The following TRAP1 variants were observed in gnomAD, a reference collection of about 807,000 sequenced individuals.
TRAP1 encodes TNF receptor associated protein 1, also known as heat shock protein 75 kDa, mitochondrial.
Under a neutral mutation model 89.1 loss-of-function variants are expected in TRAP1, and 102 were observed. That is an observed-to-expected ratio of 1.15 (90% CI 0.98 to 1.35). TRAP1 has a LOEUF of 1.35. Ranked by LOEUF, TRAP1 falls within the 40% of genes most tolerant of loss-of-function variation. The pLI is 0.00. For synonymous variants in TRAP1, 508 were observed against 388.0 expected (o/e 1.31, Z -3.64); for missense variants, 1,256 against 945.3 (o/e 1.33, Z -4.31).
At chr16:3,703,637 TC>T (rs1312897337) in intron 1 of TRAP1, among the ~76,000 whole-genome samples, 1 of 152,006 alleles carries the variant, frequency 6.6e-6, no homozygotes, top group Non-Finnish European at 1.5e-5. Context: ...GACGAGTTTT[TC>T]ATCAGATATA....
At chr16:3,686,372 G>A (rs2051138913) in intron 3 of TRAP1, among the ~76,000 whole-genome samples, 3 of 152,204 alleles carry the variant, frequency 2.0e-5, no homozygotes, top group African/African-American at 7.2e-5. Flanking sequence ...CACTCAGGCT[G>A]GAGGCTGCAA....
At chr16:3,707,296 C>G (rs1186448670) in intron 1 of TRAP1, among the ~76,000 whole-genome samples, 1 of 150,954 alleles carries the variant, frequency 6.6e-6, no homozygotes, top group Non-Finnish European at 1.5e-5. Context: ...CACCATTCTC[C>G]TGCCTCAGCC....
At position 3,661,772 on chromosome 16, in the gene TRAP1, G is replaced by A. The variant is rs953195877; in HGVS notation, c.1940+215C>T. Reference sequence around the variant, plus strand: ...GGACATGGTCACAGGCTGGGATGTGGCTAACCTCCCAGGTGACACCTGGGG... The same window carrying A: ...GGACATGGTCACAGGCTGGGATGTGACTAACCTCCCAGGTGACACCTGGGG... On this transcript the variant is annotated intron_variant, in intron 16 of 17. Transcript: ENST00000246957. The A allele has an allele frequency of 5.9e-5, 28 of 478,106 alleles. 1 individual carries two copies. The highest frequency in any genetic ancestry group is 5.2e-4 in the African/African-American group (26 of 49,984). The allele number at this position is 478,106 out of a possible 1,614,324, so 29.6% of individuals were successfully genotyped here. A position where few individuals can be genotyped will look rare whatever the true frequency, so the allele number is the denominator to read the frequency against.
At chr16:3,689,284 AC>A (rs2051180475) in intron 2 of TRAP1, 147 bp from the exon 3 acceptor site, 1 of 612,980 alleles carries the variant, frequency 1.6e-6, no homozygotes, top group Non-Finnish European at 2.6e-6. Flanking sequence ...TCGCTCTGTC[AC>A]CCAGGCTGGA....
chr16:3,708,641 T>C (rs1280120714), intron 1 of TRAP1, among the ~76,000 whole-genome samples: 1 of 150,780 alleles, frequency 6.6e-6, no homozygotes, highest in Admixed American at 6.6e-5. Flanking sequence ...CATCTCAAAA[T>C]AAATAAATAA....
intron 11 of TRAP1, among the ~76,000 whole-genome samples, chr16:3,668,757 G>A (rs1330140566): frequency 6.6e-6 from 1 of 152,176 alleles, no homozygotes; most frequent in Non-Finnish European, 1.5e-5. Flanking sequence ...CTCCCTTACT[G>A]AGCAGGACCA....
intron 1 of TRAP1, among the ~76,000 whole-genome samples, chr16:3,698,183 AG>A (rs2051315911): frequency 6.6e-6 from 1 of 152,164 alleles, no homozygotes; most frequent in Non-Finnish European, 1.5e-5. Flanking sequence ...ATTGGGAAAA[AG>A]AAAAAAATAA....
intron 17 of TRAP1, 195 bp from the exon 18 acceptor site, chr16:3,658,425 T>C (rs866327484): frequency 1.2e-5 from 7 of 606,740 alleles, no homozygotes; most frequent in Admixed American, 3.0e-5. Flanking sequence ...TGGCCATTTT[T>C]CCGTTTTTAA....
At chr16:3,684,762 C>T (rs545051235) in intron 4 of TRAP1, among the ~76,000 whole-genome samples, 1 of 152,170 alleles carries the variant, frequency 6.6e-6, no homozygotes, top group African/African-American at 2.4e-5. Context: ...TGCACTCCAG[C>T]CTGGGCGACA....
At chr16:3,662,716 C>G (rs749018732) in intron 15 of TRAP1, 166 bp downstream of exon 15, 7 of 717,632 alleles carry the variant, frequency 9.8e-6, no homozygotes, top group African/African-American at 1.7e-5. Flanking sequence ...GCGGCACTCC[C>G]GAGCAACACG....
intron 1 of TRAP1, among the ~76,000 whole-genome samples, chr16:3,706,203 G>A (rs1384519066): frequency 1.3e-5 from 2 of 151,986 alleles, no homozygotes; most frequent in Non-Finnish European, 2.9e-5. Context: ...ATCCACCCAC[G>A]TTAGCCTCCC....
chr16:3,709,653 T>G (rs1177735442), intron 1 of TRAP1, among the ~76,000 whole-genome samples: 1 of 152,038 alleles, frequency 6.6e-6, no homozygotes. Flanking sequence ...TTCCCTTTTT[T>G]TTGTGTGTGT....
chr16:3,699,084 G>T (rs368145248), intron 1 of TRAP1, among the ~76,000 whole-genome samples: 1 of 152,008 alleles, frequency 6.6e-6, no homozygotes, highest in Admixed American at 6.6e-5. Context: ...CACAAAATGG[G>T]AAGCACTGAT....
At chr16:3,688,010 C>T (rs1403984438) in intron 3 of TRAP1, among the ~76,000 whole-genome samples, 1 of 152,126 alleles carries the variant, frequency 6.6e-6, no homozygotes, top group Non-Finnish European at 1.5e-5. Context: ...CAGTACGAAA[C>T]CCGGAAACAG....
intron 17 of TRAP1, 50 bp from the exon 18 acceptor site, chr16:3,658,280 C>CT (rs2042839488): frequency 5.8e-6 from 8 of 1,375,366 alleles, no homozygotes; most frequent in South Asian, 1.3e-5. Flanking sequence ...GGCACCTTTT[C>CT]ATTTTTTTTT....
chr16:3,680,004 C>A, intron 4 of TRAP1: 4 of 520,762 alleles, frequency 7.7e-6, no homozygotes, highest in Middle Eastern at 5.2e-4. Context: ...CCAAGGCAGG[C>A]GGATCACTTG....
intron 1 of TRAP1, among the ~76,000 whole-genome samples, chr16:3,696,991 G>A (rs1345058195): frequency 6.6e-6 from 1 of 152,094 alleles, no homozygotes; most frequent in Non-Finnish European, 1.5e-5. Flanking sequence ...CCTCCCAAGC[G>A]CTGGGATTAG....
Position 3,675,410 on chromosome 16 carries a change from A to C in TRAP1, c.815-13T>G, listed in dbSNP as rs202013345. On this transcript the variant is annotated splice_polypyrimidine_tract_variant and intron_variant, in intron 7 of 17. Transcript: ENST00000246957. Reference sequence around the variant, plus strand: ...TTCGTTACCACATCTGGAAGGGACAAAAGAAAAACCACACTGCATCTACAA... The same window carrying C: ...TTCGTTACCACATCTGGAAGGGACACAAGAAAAACCACACTGCATCTACAA... 22 of 1,613,832 alleles carry C rather than the reference A, an allele frequency of 1.4e-5. No individual in the cohort carries two copies. Among genetic ancestry groups the C allele is most frequent in the Non-Finnish European group, 1.9e-5 (22 of 1,179,774 alleles).
At chr16:3,710,850 T>C (rs975700957) in intron 1 of TRAP1, among the ~76,000 whole-genome samples, 1 of 119,776 alleles carries the variant, frequency 8.3e-6, no homozygotes. Context: ...CTTTTATATG[T>C]GTGTGTGTAT....
Sources: gnomAD v4.1 joint callset for allele counts (sites outside exome capture counted in the v4.1 genomes callset) on GRCh38, gnomAD v4.1.1 for gene constraint, MANE v1.5 for transcripts, NCBI Gene and HGNC (gene_info 2026-07-23, HGNC 2026-07-21) for gene names.